The following MGAM2 variants were observed in gnomAD, a reference collection of about 807,000 sequenced individuals.
The protein encoded by MGAM2 is maltase-glucoamylase 2 (putative), also known as probable maltase-glucoamylase 2.
A neutral mutation model predicts 96.1 loss-of-function variants in MGAM2; 98 were observed. The observed-to-expected ratio is 1.02, with a 90% CI of 0.87 to 1.21. MGAM2 has a LOEUF of 1.21. MGAM2 is among the 50% of genes most tolerant of loss of function. MGAM2 has a pLI of 0.00. For synonymous variants in MGAM2, 749 were observed against 414.8 expected, an observed-to-expected ratio of 1.81 and a Z score of -9.79; for missense variants, 2,055 against 1,182.4, an observed-to-expected ratio of 1.74 and a Z score of -10.82.
intron 26 of MGAM2, among the ~76,000 whole-genome samples, chr7:142,168,385 T>G (rs1796091572): frequency 6.6e-6 from 1 of 152,004 alleles, no homozygotes; most frequent in Non-Finnish European, 1.5e-5. Context: ...TTCTCCTGCA[T>G]CAGCCTCCCA....
Position 142,148,969 on chromosome 7 carries a change from G to C in MGAM2, c.1634+1396G>C, listed in dbSNP as rs1795471360. Among the ~76,000 whole-genome samples the C allele has an allele frequency of 6.6e-6, 1 of 152,106 alleles. No homozygotes were observed. Among genetic ancestry groups the C allele is most frequent in the Non-Finnish European group, 1.5e-5 (1 of 68,036 alleles). On this transcript the variant is annotated intron_variant, in intron 15 of 47. Transcript: ENST00000477922. The surrounding 1 kb of genome is among the most constrained non-coding windows in gnomAD (Gnocchi z 4.2). ...TGGCTTGGTGCGGTGGCTTACGTCT[G>C]TAATCCAAGCACTTTGGGAGGCTGA...
At chr7:142,114,638 G>A (rs571626006) in intron 1 of MGAM2, among the ~76,000 whole-genome samples, 1 of 152,250 alleles carries the variant, frequency 6.6e-6, no homozygotes, top group South Asian at 2.1e-4. Context: ...GAGATAATTG[G>A]TGGAATGAAA....
rs538450525 is a variant in MGAM2, at chr7:142,203,293, G to T, written c.5137+3325G>T. Among the ~76,000 whole-genome samples the T allele has an allele frequency of 2.6e-5, 4 of 152,180 alleles. No homozygotes were observed. In the South Asian group the frequency reaches 8.3e-4, roughly 32 times the overall value. ...TCTGTAGTTTAATTAAGTCCAACTT[G>T]TCAATTTTTGTTTTTGTTGTAATTG... On this transcript the variant is annotated intron_variant, in intron 45 of 47. Coordinates refer to ENST00000477922, the MANE Select transcript of MGAM2 (RefSeq NM_001293626.2).
intron 1 of MGAM2, among the ~76,000 whole-genome samples, chr7:142,114,566 CTT>C (rs1248457941): frequency 6.6e-6 from 1 of 151,930 alleles, no homozygotes; most frequent in Non-Finnish European, 1.5e-5. Flanking sequence ...TTTGGGGTGA[CTT>C]GGGGTATATT....
At chr7:142,118,626 T>C (rs1035838163) in intron 2 of MGAM2, among the ~76,000 whole-genome samples, 7 of 152,156 alleles carry the variant, frequency 4.6e-5, no homozygotes, top group African/African-American at 1.4e-4. Flanking sequence ...GAATAGCCAA[T>C]GTTGAGTGAA....
At position 142,154,735 on chromosome 7, in the gene MGAM2, G is replaced by A. The variant is rs1273087616; in HGVS notation, c.1813G>A (p.Ala605Thr). ...FNLFGIPMVG[A>T]NICGYNNNVT... ...ATGTGTGCTAATTCTCCAGGTAGGT[G>A]CCAACATCTGTGGTTATAACAACAA... The change falls in exon 17 of 48, where the codon GCC becomes ACC. Residue 605 changes from alanine to threonine, a missense_variant. By Grantham distance (58) the Ala-to-Thr change is moderately conservative. Coordinates refer to ENST00000477922, the MANE Select transcript of MGAM2 (RefSeq NM_001293626.2). 1.4e-5 allele frequency: 10 copies of A among 702,988 alleles called. No individual in the cohort carries two copies. In the East Asian group the frequency reaches 2.7e-4, roughly 19 times the overall value. 43.5% of individuals were successfully genotyped at this position (702,988 alleles called of 1,614,324 possible). A position where few individuals can be genotyped will look rare whatever the true frequency, so the allele number is the denominator to read the frequency against.
intron 20 of MGAM2, 93 bp downstream of exon 20, chr7:142,159,436 G>A: frequency 1.5e-6 from 1 of 671,226 alleles, no homozygotes; most frequent in South Asian, 1.6e-5. Flanking sequence ...TAGAATAATA[G>A]TACAAGATTT....
rs888779467 is a variant in MGAM2, at chr7:142,150,273, C to T, written c.1634+2700C>T. Among the ~76,000 whole-genome samples, 2 of 152,152 alleles carry T rather than the reference C, an allele frequency of 1.3e-5. 1 individual carries two copies. The highest frequency in any genetic ancestry group is 2.9e-5 in the Non-Finnish European group (2 of 68,030). ...TTAAATTCTGTATCTTGGTTGGTAG[C>T]AACAGCATCCCTATATCCCAGACTC... On this transcript the variant is annotated intron_variant, in intron 15 of 47. Transcript: ENST00000477922.
chr7:142,202,106 A>G (rs1296596707), intron 45 of MGAM2, among the ~76,000 whole-genome samples: 1 of 152,198 alleles, frequency 6.6e-6, no homozygotes, highest in African/African-American at 2.4e-5. Context: ...CTATTCATAT[A>G]AAATCTAGAA....
chr7:142,205,557 T>C (rs1797379518), intron 45 of MGAM2, among the ~76,000 whole-genome samples: 1 of 152,162 alleles, frequency 6.6e-6, no homozygotes, highest in African/African-American at 2.4e-5. Context: ...ATTTCTCTGA[T>C]AACTAATGTT....
chr7:142,120,243 C>T, intron 2 of MGAM2, 59 bp from the exon 3 acceptor site: 1 of 693,640 alleles, frequency 1.4e-6, no homozygotes, highest in Non-Finnish European at 2.6e-6. Context: ...TGCTGGCTTC[C>T]TTCCTGGAGC....
At position 142,216,312 on chromosome 7, in the gene MGAM2, G is replaced by A. The variant is rs557125053; in HGVS notation, c.5188-2049G>A. 1.3e-4 allele frequency among the ~76,000 whole-genome samples: 20 copies of A among 152,050 alleles called. 1 individual carries two copies. In the South Asian group the frequency reaches 4.1e-3, roughly 32 times the overall value. On this transcript the variant is annotated intron_variant, in intron 46 of 47. Transcript: ENST00000477922. ...CCTGAATTTTAGTTCTATTTCTACT[G>A]CTATTATTCAAATTCGGAGAGACAC...
chr7:142,118,697 G>T (rs929764928), intron 2 of MGAM2, among the ~76,000 whole-genome samples: 2 of 152,156 alleles, frequency 1.3e-5, no homozygotes, highest in African/African-American at 4.8e-5. Flanking sequence ...GCCCTCTGGT[G>T]TCTTTAAGCA....
chr7:142,174,642 A>G (rs892780286), intron 31 of MGAM2, among the ~76,000 whole-genome samples: 3 of 149,160 alleles, frequency 2.0e-5, no homozygotes, highest in African/African-American at 7.4e-5. Flanking sequence ...ATACAGGATT[A>G]TGTCATCTGC....
In MGAM2 at chr7:142,143,890, A is replaced by G. The variant is rs925009524; in HGVS notation, c.1431+8A>G. 1 of 702,224 alleles carries G rather than the reference A, an allele frequency of 1.4e-6. No individual in the cohort carries two copies. The highest frequency in any genetic ancestry group is 1.7e-5 in the African/African-American group (1 of 57,348). The allele number at this position is 702,224 out of a possible 1,614,324, so 43.5% of individuals were successfully genotyped here. A position where few individuals can be genotyped will look rare whatever the true frequency, so the allele number is the denominator to read the frequency against. Reference sequence around the variant, plus strand: ...TTTGATGGAGTGTGGATTGTAAGTTATTATTCCTGACTCAAATTTCCTTTG... The same window carrying G: ...TTTGATGGAGTGTGGATTGTAAGTTGTTATTCCTGACTCAAATTTCCTTTG... On this transcript the variant is annotated splice_region_variant and intron_variant, in intron 13 of 47. Transcript: ENST00000477922.
chr7:142,167,497 T>A lies in MGAM2; in HGVS notation c.3027+11T>A. 2.8e-6 allele frequency: 2 copies of A among 702,992 alleles called. No homozygotes were observed. Among genetic ancestry groups the A allele is most frequent in the South Asian group, 3.0e-5 (2 of 67,594 alleles). 43.5% of individuals were successfully genotyped at this position (702,992 alleles called of 1,614,324 possible). A position where few individuals can be genotyped will look rare whatever the true frequency, so the allele number is the denominator to read the frequency against. On this transcript the variant is annotated intron_variant, in intron 26 of 47. Coordinates refer to ENST00000477922, the MANE Select transcript of MGAM2 (RefSeq NM_001293626.2). ...ATGCTGCAGGTCAAGGTAAGGCCCATGTTGCAGATTCTGGTTCTCAAGATG... is the reference window on the plus strand; with the variant it reads ...ATGCTGCAGGTCAAGGTAAGGCCCAAGTTGCAGATTCTGGTTCTCAAGATG...
intron 31 of MGAM2, among the ~76,000 whole-genome samples, chr7:142,175,076 A>G (rs1342706606): frequency 6.6e-6 from 1 of 152,124 alleles, no homozygotes; most frequent in Non-Finnish European, 1.5e-5. Context: ...ACTACATTGA[A>G]TAGGAGTGGT....
chr7:142,210,061 G>A (rs911240312), intron 46 of MGAM2, among the ~76,000 whole-genome samples: 4 of 152,168 alleles, frequency 2.6e-5, no homozygotes, highest in African/African-American at 9.7e-5. Context: ...CACAGAGGGC[G>A]AGGAGAAGCA....
chr7:142,214,792 C>T (rs1017368037), intron 46 of MGAM2, among the ~76,000 whole-genome samples: 3 of 152,102 alleles, frequency 2.0e-5, no homozygotes, highest in African/African-American at 7.2e-5. Flanking sequence ...ATCAAAAAGT[C>T]AGGAAACAGC....
Sources: allele counts gnomAD v4.1 joint callset (sites outside exome capture counted in the v4.1 genomes callset), GRCh38; gene constraint gnomAD v4.1.1; non-coding constraint Gnocchi (gnomAD v3.1); transcripts MANE v1.5; gene names NCBI Gene and HGNC (gene_info 2026-07-23, HGNC 2026-07-21).